ZNF749: variants seen among roughly 807,000 people sequenced by gnomAD.
ZNF749 encodes zinc finger protein 749.
ZNF749 carries 8 observed loss-of-function variants against 7.3 expected under a neutral mutation model. The observed-to-expected ratio is 1.10, with a 90% CI of 0.64 to 1.98. The LOEUF (loss-of-function observed/expected upper bound fraction) is 1.98, where lower values mean the gene tolerates loss of function less well. Ranked by LOEUF, ZNF749 falls within the 30% of genes most tolerant of loss-of-function variation. The pLI is 0.00. For synonymous variants in ZNF749, 310 were observed against 322.4 expected (o/e 0.96, Z 0.41); for missense variants, 898 against 932.4 (o/e 0.96, Z 0.48).
At position 57,445,002 on chromosome 19, in the gene ZNF749, G is replaced by C. The variant is rs1184187453; in HGVS notation, c.1854G>C (p.Gly618=). The change falls in exon 3 of 3, where the codon GGG becomes GGC. Residue 618 remains glycine (G), a synonymous_variant. Transcript: ENST00000334181. ...GEKPYKCSKC[G]KFFRYRCTLS... is the part of the protein sequence containing the mutation. ...AGCCTTATAAATGCAGCAAATGTGG[G>C]AAATTCTTTAGATATCGCTGTACAC... The C allele has an allele frequency of 6.2e-7, 1 of 1,614,166 alleles. No homozygotes were observed. Among genetic ancestry groups the C allele is most frequent in the Non-Finnish European group, 8.5e-7 (1 of 1,180,020 alleles).
Position 57,435,399 on chromosome 19 carries a change from A to C in ZNF749, c.-180A>C. ...TGTTCACTGATTTAGAGGGTCCCAG[A>C]GCTCTGGGTCGGGACTGAGGTGAAA... On this transcript the variant is annotated 5_prime_UTR_variant, in exon 1 of 3. Coordinates refer to ENST00000334181, the MANE Select transcript of ZNF749 (RefSeq NM_001023561.4). 2.3e-6 allele frequency: 2 copies of C among 874,182 alleles called. No homozygotes were observed. The highest frequency in any genetic ancestry group is 3.6e-6 in the Non-Finnish European group (2 of 561,380). 54.2% of individuals were successfully genotyped at this position (874,182 alleles called of 1,614,324 possible). A position where few individuals can be genotyped will look rare whatever the true frequency, so the allele number is the denominator to read the frequency against.
upstream of ZNF749, among the ~76,000 whole-genome samples, chr19:57,433,302 G>A (rs1453548763): frequency 2.0e-5 from 3 of 152,190 alleles, no homozygotes. Context: ...GAGTTGTTAT[G>A]TGGGATGTTG....
chr19:57,435,817 C>A, intron 1 of ZNF749: 1 of 951,980 alleles, frequency 1.1e-6, no homozygotes, highest in Non-Finnish European at 1.5e-6. Flanking sequence ...ACTGGGGAGC[C>A]CGAGCGTCTT....
rs1440407124 is a variant in ZNF749, at chr19:57,443,406, C to T, written c.258C>T (p.Cys86=). ...TGTCCACCCTGAAGGCCCAGCCCTGCAAGATGTGTAGCTCAATTCTGAAGG... is the reference window on the plus strand; with the variant it reads ...TGTCCACCCTGAAGGCCCAGCCCTGTAAGATGTGTAGCTCAATTCTGAAGG... ...PALSTLKAQP[C]KMCSSILKDI... Residue 86 remains cysteine, a synonymous_variant, in exon 3 of 3, where the codon TGC becomes TGT. Transcript: ENST00000334181. 2.5e-6 allele frequency: 4 copies of T among 1,614,226 alleles called. No homozygotes were observed. In the Admixed American group the frequency reaches 5.0e-5, roughly 20 times the overall value.
Position 57,444,506 on chromosome 19 carries a change from T to G in ZNF749, c.1358T>G (p.Leu453Arg), listed in dbSNP as rs759251284. ...CEKAFVRKSH[L>R]VQHQKIHTDA... Reference sequence around the variant, plus strand: ...AAGGCCTTTGTTAGAAAGTCCCACCTAGTTCAGCACCAGAAAATCCACACT... The same window carrying G: ...AAGGCCTTTGTTAGAAAGTCCCACCGAGTTCAGCACCAGAAAATCCACACT... The change falls in exon 3 of 3, where the codon CTA (leucine) becomes CGA (arginine). Residue 453 changes from leucine (L) to arginine (R), a missense_variant. Coordinates refer to ENST00000334181, the MANE Select transcript of ZNF749 (RefSeq NM_001023561.4). 14 of 1,613,946 alleles carry G rather than the reference T, an allele frequency of 8.7e-6. No individual in the cohort carries two copies. The highest frequency in any genetic ancestry group is 1.3e-5 in the African/African-American group (1 of 74,938).
chr19:57,437,260 A>AT (rs904723505), intron 1 of ZNF749, among the ~76,000 whole-genome samples: 36 of 146,118 alleles, frequency 2.5e-4, no homozygotes, highest in Admixed American at 4.1e-4. Flanking sequence ...GGTCTGGGCT[A>AT]TTTTTTTTTT....
rs900929452 is a variant in ZNF749, at chr19:57,435,375, G to C, written c.-204G>C. 1.4e-6 allele frequency: 1 copy of C among 723,514 alleles called. No homozygotes were observed. The highest frequency in any genetic ancestry group is 1.8e-5 in the South Asian group (1 of 57,032). 44.8% of individuals were successfully genotyped at this position (723,514 alleles called of 1,614,324 possible). ...CGTTAGCATGGCTACCTAGGGATCT[G>C]TTCACTGATTTAGAGGGTCCCAGAG... On this transcript the variant is annotated 5_prime_UTR_variant, in exon 1 of 3. Transcript: ENST00000334181.
rs569086388 is a variant in ZNF749, at chr19:57,445,123, CAG to C, written c.1980_1981del (p.Arg660SerfsTer9). 7.3e-4 allele frequency: 1,172 copies of C among 1,613,846 alleles called. 1 individual carries two copies. The highest frequency in any genetic ancestry group is 8.9e-4 in the Non-Finnish European group (1,046 of 1,179,950). On this transcript the variant is annotated frameshift_variant, in exon 3 of 3. Coordinates refer to ENST00000334181, the MANE Select transcript of ZNF749 (RefSeq NM_001023561.4). LOFTEE classifies it low-confidence loss of function (END_TRUNC). ...AGATAGCTACAAACTCATTATTCATCAGAGAGTTCATACTGGAGAAAAGCCTT... is the reference window on the plus strand; with the variant it reads ...AGATAGCTACAAACTCATTATTCATCAGAGTTCATACTGGAGAAAAGCCTT... ...FRDSYKLIIH[Q>X]RVHTGEKPYE...
At position 57,446,786 on chromosome 19, in the gene ZNF749, A is replaced by G. The variant is rs957048479; in HGVS notation, c.*1301A>G. On this transcript the variant is annotated 3_prime_UTR_variant, in exon 3 of 3. Transcript: ENST00000334181. Reference sequence around the variant, plus strand: ...TGATATGGTCCATTGCGCCTCAGATATAAACCTTAACAGCATGTTACAGTA... The same window carrying G: ...TGATATGGTCCATTGCGCCTCAGATGTAAACCTTAACAGCATGTTACAGTA... Among the ~76,000 whole-genome samples the G allele has an allele frequency of 6.6e-6, 1 of 152,230 alleles. No homozygotes were observed. The highest frequency in any genetic ancestry group is 2.4e-5 in the African/African-American group (1 of 41,456).
Position 57,445,314 on chromosome 19 carries a change from T to C in ZNF749, c.2166T>C (p.Ser722=), listed in dbSNP as rs779119523. Residue 722 remains serine (S), a synonymous_variant, in exon 3 of 3, where the codon AGT becomes AGC. Transcript: ENST00000334181. The part of the protein sequence containing the change: ...IIHQQSHTGE[S]PFKLRECGKD... ...ATCAGCAGTCTCACACTGGAGAAAG[T>C]CCTTTTAAGTTAAGGGAATGTGGGA... 27 of 1,613,726 alleles carry C rather than the reference T, an allele frequency of 1.7e-5. No individual in the cohort carries two copies. The highest frequency in any genetic ancestry group is 1.6e-4 in the Middle Eastern group (1 of 6,082).
chr19:57,444,260 G>T lies in ZNF749; in HGVS notation c.1112G>T (p.Arg371Ile), dbSNP rs1391407621. 1.9e-6 allele frequency: 3 copies of T among 1,614,168 alleles called. No homozygotes were observed. The South Asian group carries it at 3.3e-5, about 18-fold the overall frequency. Residue 371 changes from arginine to isoleucine, a missense_variant, in exon 3 of 3, where the codon AGA becomes ATA. Physicochemically the swap from Arg to Ile is moderately conservative, Grantham distance 97. Coordinates refer to ENST00000334181, the MANE Select transcript of ZNF749 (RefSeq NM_001023561.4). The stretch of plus-strand genomic sequence containing the variant: ...TTTATGGACAGCTTCACACTCGGTA[G>T]ACATCAGAGAGTTCATACTGGAGAA... ...KLFMDSFTLG[R>I]HQRVHTGERP...
rs898509246 is a variant in ZNF749, at chr19:57,445,916, C to T, written c.*431C>T. Among the ~76,000 whole-genome samples, 4 of 151,966 alleles carry T rather than the reference C, an allele frequency of 2.6e-5. No homozygotes were observed. The highest frequency in any genetic ancestry group is 3.9e-4 in the East Asian group (2 of 5,174). On this transcript the variant is annotated 3_prime_UTR_variant, in exon 3 of 3. Coordinates refer to ENST00000334181, the MANE Select transcript of ZNF749 (RefSeq NM_001023561.4). ...TTGCACTCCAGCCTGGGTGACAGGG[C>T]GAGACTCTGTCTCAAAAAGAAAAAA...
At chr19:57,432,881 T>C (rs2088906154), upstream of ZNF749, among the ~76,000 whole-genome samples, 1 of 152,198 alleles carries the variant, frequency 6.6e-6, no homozygotes, top group Non-Finnish European at 1.5e-5. Flanking sequence ...TAGTAAGAAG[T>C]ATGCTTAATG....
At chr19:57,430,249 G>A in the ZNF749 span, among the ~76,000 whole-genome samples, 1 of 152,136 alleles carries the variant, frequency 6.6e-6, no homozygotes, top group Admixed American at 6.5e-5. Flanking sequence ...ATCTGGTGAG[G>A]GCCTTCTCGC....
Position 57,439,300 on chromosome 19 carries a change from T to C in ZNF749, c.16-2585T>C, listed in dbSNP as rs2088965463. ...TTGATCTAGAGCTGCCTGTATTTTATAACGTAGAGAGCAAGGAAGCTTGGG... is the reference window on the plus strand; with the variant it reads ...TTGATCTAGAGCTGCCTGTATTTTACAACGTAGAGAGCAAGGAAGCTTGGG... On this transcript the variant is annotated intron_variant, in intron 1 of 2. Coordinates refer to ENST00000334181, the MANE Select transcript of ZNF749 (RefSeq NM_001023561.4). The surrounding 1 kb of genome is among the most constrained non-coding windows in gnomAD (Gnocchi z 4.3). 6.6e-6 allele frequency among the ~76,000 whole-genome samples: 1 copy of C among 152,014 alleles called. No homozygotes were observed. The highest frequency in any genetic ancestry group is 2.4e-5 in the African/African-American group (1 of 41,376).
At chr19:57,433,111 A>AGTGTGTGTGTGT (rs71186260), upstream of ZNF749, among the ~76,000 whole-genome samples, 19 of 143,508 alleles carry the variant, frequency 1.3e-4, no homozygotes, top group East Asian at 6.3e-4. Context: ...AGTCTTGAGG[A>AGTGTGTGTGTGT]GTGTGTGTGT....
rs774358827 is a variant in ZNF749 at position 57,443,321 on chromosome 19, T to C, written c.173T>C (p.Val58Ala). ...TGGCATGGAGCCAAGGATGAGGAGGTACCTTCCAAGCAGTGTGTTTCTGTA... is the reference window on the plus strand; with the variant it reads ...TGGCATGGAGCCAAGGATGAGGAGGCACCTTCCAAGCAGTGTGTTTCTGTA... ...GCWHGAKDEE[V>A]PSKQCVSVRV... Residue 58 changes from valine (V) to alanine (A), a missense_variant, in exon 3 of 3, where the codon GTA becomes GCA. Transcript: ENST00000334181. The C allele has an allele frequency of 1.2e-6, 2 of 1,610,406 alleles. No homozygotes were observed. The highest frequency in any genetic ancestry group is 2.2e-5 in the South Asian group (2 of 90,618).
rs200823776 is a variant in ZNF749 at position 57,442,048 on chromosome 19, G to A, written c.142+37G>A. 1.5e-3 allele frequency: 2,431 copies of A among 1,599,674 alleles called. 6 individuals are homozygous for A. Among genetic ancestry groups the A allele is most frequent in the Non-Finnish European group, 1.9e-3 (2,232 of 1,172,704 alleles). ...ATACCTACTCTGGTGTCTTGTGCTG[G>A]GTGCTGTTTTTTTGCTCTTTTCCAT... On this transcript the variant is annotated intron_variant, in intron 2 of 2. Transcript: ENST00000334181. This position sits in a 1 kb window ranked among gnomAD's most constrained non-coding sequence, Gnocchi z 6.6.
rs578009003 is a variant in ZNF749, at chr19:57,446,028, C to T, written c.*543C>T. 2.7e-4 allele frequency among the ~76,000 whole-genome samples: 41 copies of T among 152,262 alleles called. No homozygotes were observed. The South Asian group carries it at 8.3e-3, about 31-fold the overall frequency. On this transcript the variant is annotated 3_prime_UTR_variant, in exon 3 of 3. Transcript: ENST00000334181. The stretch of plus-strand genomic sequence containing the variant: ...TACTGTTCAGTAGTGTTAAGTCATT[C>T]GCATTGTTGTCAATTAATATCCAGA...
Sources: gnomAD v4.1 joint callset for allele counts (sites outside exome capture counted in the v4.1 genomes callset) on GRCh38, gnomAD v4.1.1 for gene constraint, Gnocchi (gnomAD v3.1) non-coding constraint, MANE v1.5 for transcripts, NCBI Gene and HGNC (gene_info 2026-07-23, HGNC 2026-07-21) for gene names.